ADK: variants seen among roughly 807,000 people sequenced by gnomAD.
The protein encoded by ADK is adenosine kinase.
A neutral mutation model predicts 44.7 loss-of-function variants in ADK; 24 were observed. The ratio of observed to expected loss-of-function variants is 0.54; its 90% CI spans 0.39 to 0.76. ADK has a LOEUF of 0.76. ADK is among the 30% of genes least tolerant of loss of function. The pLI is 0.00. For synonymous variants in ADK, 128 were observed against 142.6 expected, an observed-to-expected ratio of 0.90 and a Z score of 0.73; for missense variants, 321 against 425.1, an observed-to-expected ratio of 0.76 and a Z score of 2.15.
intron 7 of ADK, among the ~76,000 whole-genome samples, chr10:74,564,395 C>T (rs576342152): frequency 6.6e-6 from 1 of 152,184 alleles, no homozygotes; most frequent in African/African-American, 2.4e-5. Flanking sequence ...CATCTATTCT[C>T]TTTGATAGCC....
At chr10:74,482,949 C>G (rs940157265) in intron 6 of ADK, among the ~76,000 whole-genome samples, 1 of 152,170 alleles carries the variant, frequency 6.6e-6, no homozygotes, top group African/African-American at 2.4e-5. Context: ...TTTCCAGGTG[C>G]ATGATGCAAG....
chr10:74,628,066 C>A (rs997803272), intron 9 of ADK, among the ~76,000 whole-genome samples: 1 of 152,144 alleles, frequency 6.6e-6, no homozygotes, highest in African/African-American at 2.4e-5. Context: ...TATTAAGAAC[C>A]CAACCCAGCA....
At chr10:74,587,925 G>A (rs1851585439) in intron 7 of ADK, among the ~76,000 whole-genome samples, 1 of 151,952 alleles carries the variant, frequency 6.6e-6, no homozygotes, top group Non-Finnish European at 1.5e-5. Context: ...ATAATCATTA[G>A]ATTGTGTCCT....
chr10:74,164,221 T>G (rs901349216), intron 1 of ADK, among the ~76,000 whole-genome samples: 2 of 152,232 alleles, frequency 1.3e-5, no homozygotes, highest in Non-Finnish European at 2.9e-5. Flanking sequence ...ATTCAGTACA[T>G]AGTATAAAAT....
At chr10:74,541,806 T>A (rs199668389) in intron 7 of ADK, among the ~76,000 whole-genome samples, 66 of 7,300 alleles carry the variant, frequency 9.0e-3, no homozygotes, top group Middle Eastern at 0.12. Context: ...CCCCCCCCCC[T>A]AAAAAAAAAC....
Position 74,451,664 on chromosome 10 carries a change from A to T in ADK, c.555+53085A>T, listed in dbSNP as rs561688697. On this transcript the variant is annotated intron_variant, in intron 6 of 10. Coordinates refer to ENST00000539909, the MANE Select transcript of ADK (RefSeq NM_006721.4). ...AAAGCATATATGTAGCTAAGCTACT[A>T]AAGTGACTATTTGAGTATTTCATTC... Among the ~76,000 whole-genome samples, 6 of 152,274 alleles carry T rather than the reference A, an allele frequency of 3.9e-5. No individual in the cohort carries two copies. The South Asian group carries it at 1.2e-3, about 32-fold the overall frequency.
chr10:74,580,689 C>T (rs1050459092), intron 7 of ADK, among the ~76,000 whole-genome samples: 1 of 152,094 alleles, frequency 6.6e-6, no homozygotes, highest in Non-Finnish European at 1.5e-5. Flanking sequence ...GAGGCTTCCC[C>T]AGCCACATGG....
intron 1 of ADK, among the ~76,000 whole-genome samples, chr10:74,182,348 T>TTTTATTTGTTTA (rs1842590387): frequency 6.9e-6 from 1 of 145,650 alleles, no homozygotes; most frequent in Non-Finnish European, 1.5e-5. Context: ...ACAGAAATCT[T>TTTTATTTGTTTA]TTTATTTATT....
chr10:74,428,409 A>G (rs1248170117), intron 6 of ADK, among the ~76,000 whole-genome samples: 4 of 152,206 alleles, frequency 2.6e-5, no homozygotes, highest in African/African-American at 7.2e-5. Flanking sequence ...TTTGTTAAGT[A>G]TACAGAATCT....
At chr10:74,169,817 A>G (rs533105664) in intron 1 of ADK, among the ~76,000 whole-genome samples, 7 of 152,342 alleles carry the variant, frequency 4.6e-5, no homozygotes, top group African/African-American at 1.4e-4. Context: ...AAAAAAATTC[A>G]ATATGTTTTG....
chr10:74,370,033 C>T (rs924357139), intron 4 of ADK, among the ~76,000 whole-genome samples: 1 of 152,110 alleles, frequency 6.6e-6, no homozygotes, highest in African/African-American at 2.4e-5. Context: ...TTTTCTATCA[C>T]ATAAATAATA....
intron 7 of ADK, among the ~76,000 whole-genome samples, chr10:74,567,518 AG>A (rs1475756963): frequency 3.9e-5 from 6 of 152,170 alleles, no homozygotes; most frequent in Non-Finnish European, 7.3e-5. Context: ...TTTATGGGCC[AG>A]GCAAATGGAC....
chr10:74,478,745 G>A (rs767391592), intron 6 of ADK, among the ~76,000 whole-genome samples: 1 of 152,196 alleles, frequency 6.6e-6, no homozygotes, highest in South Asian at 2.1e-4. Context: ...GCTTGTTAGT[G>A]TTTAATACTT....
At chr10:74,633,221 C>G (rs931475882) in intron 9 of ADK, among the ~76,000 whole-genome samples, 5 of 152,162 alleles carry the variant, frequency 3.3e-5, no homozygotes, top group Non-Finnish European at 7.3e-5. Flanking sequence ...CAGAGTGAAC[C>G]AATGCTTCCA....
chr10:74,696,010 T>C (rs1856183708), intron 10 of ADK, among the ~76,000 whole-genome samples: 1 of 151,918 alleles, frequency 6.6e-6, no homozygotes, highest in Non-Finnish European at 1.5e-5. Context: ...TGTTAAATAG[T>C]ATTGATTTTT....
chr10:74,193,639 A>G (rs1024686066), intron 1 of ADK, among the ~76,000 whole-genome samples: 3 of 152,030 alleles, frequency 2.0e-5, no homozygotes, highest in Non-Finnish European at 4.4e-5. Context: ...AAAAAAATTA[A>G]CTGGGTATGG....
At chr10:74,389,521 A>G (rs1325136477) in intron 4 of ADK, among the ~76,000 whole-genome samples, 1 of 152,004 alleles carries the variant, frequency 6.6e-6, no homozygotes, top group Non-Finnish European at 1.5e-5. Context: ...TTCATTCTCA[A>G]TTATAACATC....
intron 3 of ADK, among the ~76,000 whole-genome samples, chr10:74,302,555 G>A (rs1297862983): frequency 2.0e-5 from 3 of 152,040 alleles, no homozygotes; most frequent in Non-Finnish European, 4.4e-5. Context: ...CACTTTGGGA[G>A]GCCAAGGCAG....
intron 3 of ADK, among the ~76,000 whole-genome samples, chr10:74,255,069 G>T (rs1208524781): frequency 1.3e-5 from 2 of 152,088 alleles, no homozygotes; most frequent in Non-Finnish European, 2.9e-5. Context: ...TGAGATCCAT[G>T]GAGGAAAAAA....
Sources: allele counts gnomAD v4.1 joint callset (sites outside exome capture counted in the v4.1 genomes callset), GRCh38; gene constraint gnomAD v4.1.1; transcripts MANE v1.5; gene names NCBI Gene and HGNC (gene_info 2026-07-23, HGNC 2026-07-21).